Variants in TBC1D22A observed in about 807,000 individuals in gnomAD.
The protein encoded by TBC1D22A is TBC1 domain family member 22A.
Under a neutral mutation model 60.2 loss-of-function variants are expected in TBC1D22A, and 38 were observed. That is an observed-to-expected ratio of 0.63 (90% CI 0.49 to 0.83). The LOEUF (loss-of-function observed/expected upper bound fraction) is 0.83. TBC1D22A is among the 40% of genes least tolerant of loss of function. TBC1D22A has a pLI of 0.00. For missense variants in TBC1D22A, 628 were observed against 701.0 expected, an observed-to-expected ratio of 0.90 and a Z score of 1.18; for synonymous variants, 302 against 281.7, an observed-to-expected ratio of 1.07 and a Z score of -0.72.
intron 4 of TBC1D22A, among the ~76,000 whole-genome samples, chr22:46,840,017 G>T (rs981058356): frequency 3.9e-5 from 6 of 152,188 alleles, no homozygotes; most frequent in Non-Finnish European, 7.4e-5. Flanking sequence ...TAGGGAAAAA[G>T]CTTCTTGACA....
intron 1 of TBC1D22A, among the ~76,000 whole-genome samples, chr22:46,791,354 C>T (rs801603): frequency 0.045 from 6,834 of 152,194 alleles, 519 homozygotes; most frequent in African/African-American, 0.15. Context: ...TGGTGAGCAG[C>T]GCAGGGTTGG....
chr22:46,930,196 A>G (rs2147885548), intron 8 of TBC1D22A, among the ~76,000 whole-genome samples: 1 of 152,180 alleles, frequency 6.6e-6, no homozygotes, highest in South Asian at 2.1e-4. Context: ...CCATCAGACC[A>G]CGCCGGCCTG....
At chr22:46,875,320 A>G (rs2147466480) in intron 4 of TBC1D22A, among the ~76,000 whole-genome samples, 1 of 152,358 alleles carries the variant, frequency 6.6e-6, no homozygotes, top group East Asian at 1.9e-4. Context: ...TACTGTTTAT[A>G]TGAATTGCAA....
intron 4 of TBC1D22A, among the ~76,000 whole-genome samples, chr22:46,850,134 C>T (rs1173845669): frequency 6.6e-6 from 1 of 152,160 alleles, no homozygotes; most frequent in Admixed American, 6.5e-5. Context: ...CAGGCAGGGG[C>T]CACATGTTCC....
At position 46,970,243 on chromosome 22, in the gene TBC1D22A, C is replaced by A. The variant is rs994096437; in HGVS notation, c.1016-4047C>A. Among the ~76,000 whole-genome samples the A allele has an allele frequency of 6.6e-5, 10 of 152,210 alleles. No homozygotes were observed. The South Asian group carries it at 1.9e-3, about 29-fold the overall frequency. On this transcript the variant is annotated intron_variant, in intron 8 of 12. Coordinates refer to ENST00000337137, the MANE Select transcript of TBC1D22A (RefSeq NM_014346.5). ...TGCCTGACCCCCACCCCCAGGGCCA[C>A]AGCCATGGCTGTCATTTCATTAGGC...
At chr22:47,085,575 C>T (rs1029166224) in intron 11 of TBC1D22A, among the ~76,000 whole-genome samples, 2 of 152,042 alleles carry the variant, frequency 1.3e-5, no homozygotes, top group Non-Finnish European at 2.9e-5. Flanking sequence ...TGATAGTATT[C>T]AGATTAAAAA....
At chr22:46,766,719 G>A (rs967166417) in intron 1 of TBC1D22A, among the ~76,000 whole-genome samples, 1 of 152,036 alleles carries the variant, frequency 6.6e-6, no homozygotes, top group Non-Finnish European at 1.5e-5. Flanking sequence ...TGTATTTTTA[G>A]TAGAGATGTG....
At chr22:47,046,616 T>G (rs1222340014) in intron 11 of TBC1D22A, among the ~76,000 whole-genome samples, 2 of 152,192 alleles carry the variant, frequency 1.3e-5, no homozygotes, top group African/African-American at 4.8e-5. Flanking sequence ...ACTTGGTCTT[T>G]GTGGGACTGG....
chr22:46,967,231 G>C (rs2073845844), intron 8 of TBC1D22A, among the ~76,000 whole-genome samples: 1 of 152,208 alleles, frequency 6.6e-6, no homozygotes, highest in Non-Finnish European at 1.5e-5. Context: ...AACGTTAGTT[G>C]TTTTTGCTGA....
At chr22:46,890,286 C>T (rs542058512) in intron 5 of TBC1D22A, among the ~76,000 whole-genome samples, 2 of 152,102 alleles carry the variant, frequency 1.3e-5, no homozygotes, top group South Asian at 2.1e-4. Context: ...TGCAGTGACC[C>T]GAGATCATGC....
chr22:47,079,485 T>C (rs1025823706), intron 11 of TBC1D22A, among the ~76,000 whole-genome samples: 2 of 152,158 alleles, frequency 1.3e-5, no homozygotes, highest in Non-Finnish European at 2.9e-5. Context: ...TGCTAGAAAA[T>C]AGCATTTATA....
At chr22:47,140,297 C>T (rs2067030634) in intron 12 of TBC1D22A, among the ~76,000 whole-genome samples, 4 of 151,876 alleles carry the variant, frequency 2.6e-5, no homozygotes, top group South Asian at 4.2e-4. Flanking sequence ...GTGGGCCGGG[C>T]GTGGTGGCTC....
intron 11 of TBC1D22A, among the ~76,000 whole-genome samples, chr22:47,043,553 C>T (rs1389413455): frequency 6.6e-6 from 1 of 152,160 alleles, no homozygotes; most frequent in African/African-American, 2.4e-5. Context: ...AGCAAGAGTG[C>T]GATACAGGTG....
intron 1 of TBC1D22A, among the ~76,000 whole-genome samples, chr22:46,765,828 T>A (rs2083262681): frequency 6.6e-6 from 1 of 150,492 alleles, no homozygotes; most frequent in South Asian, 2.1e-4. Flanking sequence ...TAGTCCAGGC[T>A]GGAGTGCAGT....
chr22:46,843,473 A>G (rs2086862531), intron 4 of TBC1D22A, among the ~76,000 whole-genome samples: 1 of 151,806 alleles, frequency 6.6e-6, no homozygotes, highest in South Asian at 2.1e-4. Flanking sequence ...ATTCACTGTT[A>G]TTAAGCCACC....
chr22:46,813,349 A>G (rs1335529213), intron 4 of TBC1D22A, among the ~76,000 whole-genome samples: 1 of 152,164 alleles, frequency 6.6e-6, no homozygotes, highest in Non-Finnish European at 1.5e-5. Context: ...TCATTTTTTG[A>G]TCCTTAGTAT....
chr22:46,792,626 G>A (rs1482769974), intron 2 of TBC1D22A, 50 bp downstream of exon 2: 3 of 1,613,938 alleles, frequency 1.9e-6, no homozygotes, highest in African/African-American at 2.7e-5. Flanking sequence ...ATATGGGAGG[G>A]CTGTGGCAAC....
chr22:46,928,641 G>T (rs2071181154), intron 8 of TBC1D22A, among the ~76,000 whole-genome samples: 1 of 152,092 alleles, frequency 6.6e-6, no homozygotes, highest in Admixed American at 6.6e-5. Flanking sequence ...CCCAGAATGG[G>T]AGAAGATGTT....
At position 46,777,293 on chromosome 22, in the gene TBC1D22A, C is replaced by T. The variant is rs1036205058; in HGVS notation, c.62+14445C>T. On this transcript the variant is annotated intron_variant, in intron 1 of 12. Transcript: ENST00000337137. The surrounding 1 kb of genome is among the most constrained non-coding windows in gnomAD (Gnocchi z 4.5). ...AGCCAGGGGCCGCCAGAAGAGGGCT[C>T]GAGGGAGAGGTACGAGGCAGGGATG... Among the ~76,000 whole-genome samples, 5 of 152,062 alleles carry T rather than the reference C, an allele frequency of 3.3e-5. No homozygotes were observed. Among genetic ancestry groups the T allele is most frequent in the South Asian group, 2.1e-4 (1 of 4,816 alleles).
Sources: allele counts gnomAD v4.1 joint callset (sites outside exome capture counted in the v4.1 genomes callset), GRCh38; gene constraint gnomAD v4.1.1; non-coding constraint Gnocchi (gnomAD v3.1); transcripts MANE v1.5; gene names NCBI Gene and HGNC (gene_info 2026-07-23, HGNC 2026-07-21).